COL23A1: variants seen among roughly 807,000 people sequenced by gnomAD.
The protein encoded by COL23A1 is collagen type XXIII alpha 1 chain.
A neutral mutation model predicts 99.3 loss-of-function variants in COL23A1; 97 were observed. The observed-to-expected ratio is 0.98, with a 90% CI of 0.83 to 1.16. COL23A1 has a LOEUF of 1.16. COL23A1 is among the 50% of genes most tolerant of loss of function. The pLI, the probability that COL23A1 is intolerant of heterozygous loss-of-function variation, is 0.00. For synonymous variants in COL23A1, 320 were observed against 308.2 expected, an observed-to-expected ratio of 1.04 and a Z score of -0.40; for missense variants, 762 against 757.4, an observed-to-expected ratio of 1.01 and a Z score of -0.07.
chr5:178,249,985 G>GCACACACACACACACACA (rs5873601), intron 18 of COL23A1, 76 bp downstream of exon 18: 1 of 1,080,470 alleles, frequency 9.3e-7, no homozygotes, highest in African/African-American at 1.6e-5. Context: ...ACATGCACAC[G>GCACACACACACACACACA]CACACACACA....
At chr5:178,362,824 C>CCAGCCCATGGCA (rs1762244514) in intron 2 of COL23A1, among the ~76,000 whole-genome samples, 2 of 152,110 alleles carry the variant, frequency 1.3e-5, no homozygotes, top group Admixed American at 6.5e-5. Context: ...ATGGCACAGC[C>CCAGCCCATGGCA]CAGCCCATGG....
chr5:178,523,832 C>T (rs647026), intron 2 of COL23A1: 33,635 of 152,074 alleles, frequency 0.22, 3,860 homozygotes, highest in Middle Eastern at 0.25. Flanking sequence ...ACTGCTGGGA[C>T]GCAGCCACAA....
At chr5:178,474,987 C>A (rs1432707027) in intron 2 of COL23A1, among the ~76,000 whole-genome samples, 10 of 152,214 alleles carry the variant, frequency 6.6e-5, no homozygotes, top group Admixed American at 6.5e-4. Flanking sequence ...CCTGTGGCTG[C>A]CAGCAATCCC....
chr5:178,457,362 C>T (rs942724070), intron 2 of COL23A1, among the ~76,000 whole-genome samples: 66 of 152,168 alleles, frequency 4.3e-4, no homozygotes, highest in African/African-American at 1.5e-3. Context: ...TACAAGTGCC[C>T]GCCACCACGC....
At chr5:178,355,529 G>T (rs1431681946) in intron 2 of COL23A1, among the ~76,000 whole-genome samples, 1 of 152,292 alleles carries the variant, frequency 6.6e-6, no homozygotes, top group East Asian at 1.9e-4. Flanking sequence ...ATAAAGAAAA[G>T]AGGTTTGTTT....
At chr5:178,342,065 C>T (rs1760701248) in intron 2 of COL23A1, among the ~76,000 whole-genome samples, 1 of 152,280 alleles carries the variant, frequency 6.6e-6, no homozygotes, top group Admixed American at 6.5e-5. Context: ...GCAGGGGGAC[C>T]GCTGTTTGCT....
chr5:178,245,655 T>C (rs1764652160), intron 25 of COL23A1, among the ~76,000 whole-genome samples: 2 of 152,028 alleles, frequency 1.3e-5, no homozygotes, highest in African/African-American at 4.8e-5. Flanking sequence ...TCCTGCATTA[T>C]GCATTCATCC....
intron 2 of COL23A1, among the ~76,000 whole-genome samples, chr5:178,393,532 T>C (rs2127755421): frequency 6.6e-6 from 1 of 152,322 alleles, no homozygotes; most frequent in African/African-American, 2.4e-5. Context: ...TTATGTTATG[T>C]ATGTTTTACT....
chr5:178,527,390 C>T (rs1405724232), intron 2 of COL23A1, among the ~76,000 whole-genome samples: 2 of 152,190 alleles, frequency 1.3e-5, no homozygotes, highest in Non-Finnish European at 1.5e-5. Flanking sequence ...TTCCATCTGT[C>T]TGTCCTGAGA....
intron 2 of COL23A1, among the ~76,000 whole-genome samples, chr5:178,390,733 C>A (rs1390468102): frequency 1.3e-5 from 2 of 152,200 alleles, no homozygotes; most frequent in African/African-American, 4.8e-5. Context: ...TATCCACATG[C>A]AAAAGAATGA....
intron 2 of COL23A1, among the ~76,000 whole-genome samples, chr5:178,408,077 T>C (rs1764856444): frequency 6.6e-6 from 1 of 152,148 alleles, no homozygotes; most frequent in African/African-American, 2.4e-5. Flanking sequence ...AATAAAAATA[T>C]TTCAGAGAGA....
At chr5:178,482,432 A>G (rs1187744473) in intron 2 of COL23A1, among the ~76,000 whole-genome samples, 1 of 152,186 alleles carries the variant, frequency 6.6e-6, no homozygotes, top group Admixed American at 6.5e-5. Context: ...GACAGAAAGT[A>G]GAACGGGGGC....
At chr5:178,278,258 C>T (rs1756700407) in intron 5 of COL23A1, among the ~76,000 whole-genome samples, 1 of 152,230 alleles carries the variant, frequency 6.6e-6, no homozygotes, top group African/African-American at 2.4e-5. Context: ...GCTCTGCCCT[C>T]CTGCCCCACC....
chr5:178,258,237 ATATATATATAT>A (rs768915291), intron 12 of COL23A1, among the ~76,000 whole-genome samples: 1 of 80,330 alleles, frequency 1.2e-5, no homozygotes, highest in African/African-American at 3.9e-5. Context: ...CTGTCTTAAA[ATATATATATAT>A]ATATATATAT....
chr5:178,345,068 G>T (rs1218483668), intron 2 of COL23A1: 6 of 586,932 alleles, frequency 1.0e-5, no homozygotes, highest in Non-Finnish European at 2.0e-5. Flanking sequence ...TTATGTTAAA[G>T]AAGCTTTTGG....
chr5:178,326,764 G>C (rs966582718), intron 2 of COL23A1, among the ~76,000 whole-genome samples: 2 of 152,214 alleles, frequency 1.3e-5, no homozygotes, highest in African/African-American at 4.8e-5. Flanking sequence ...CTGTCACCCA[G>C]GCTGGAGTGC....
At chr5:178,560,441 T>C (rs1762497761) in intron 2 of COL23A1, among the ~76,000 whole-genome samples, 1 of 152,238 alleles carries the variant, frequency 6.6e-6, no homozygotes, top group Non-Finnish European at 1.5e-5. Flanking sequence ...GGCAGCTAAG[T>C]CATCTCCGAC....
At chr5:178,279,687 C>T (rs1756782348) in intron 5 of COL23A1, among the ~76,000 whole-genome samples, 2 of 152,182 alleles carry the variant, frequency 1.3e-5, no homozygotes, top group Non-Finnish European at 2.9e-5. Context: ...CTGGGTGCTC[C>T]AGGGACACAG....
chr5:178,547,732 A>C (rs1402107931), intron 2 of COL23A1, among the ~76,000 whole-genome samples: 5 of 674 alleles, frequency 7.4e-3, no homozygotes, highest in Non-Finnish European at 0.014. Flanking sequence ...CCACACACCC[A>C]CCCCACACAC....
Sources: gnomAD v4.1 joint callset for allele counts (sites outside exome capture counted in the v4.1 genomes callset) on GRCh38, gnomAD v4.1.1 for gene constraint, MANE v1.5 for transcripts, NCBI Gene and HGNC (gene_info 2026-07-23, HGNC 2026-07-21) for gene names.